KIAA0825: variants seen among roughly 807,000 people sequenced by gnomAD.
KIAA0825 encodes uncharacterized protein KIAA0825.
A neutral mutation model predicts 147.6 loss-of-function variants in KIAA0825; 119 were observed. The observed-to-expected ratio is 0.81, with a 90% CI of 0.69 to 0.94. The LOEUF (loss-of-function observed/expected upper bound fraction) is 0.94, where lower values mean the gene tolerates loss of function less well. Ranked by LOEUF, KIAA0825 falls within the 40% of genes least tolerant of loss-of-function variation. The probability of loss-of-function intolerance (pLI) is 0.00; values close to 1 mark genes in which losing one functional copy is unlikely to be tolerated. For synonymous variants in KIAA0825, 470 were observed against 518.1 expected (o/e 0.91, Z 1.26); for missense variants, 1,381 against 1,472.7 (o/e 0.94, Z 1.02).
At chr5:94,483,723 A>T (rs1762739133) in intron 6 of KIAA0825, among the ~76,000 whole-genome samples, 1 of 151,960 alleles carries the variant, frequency 6.6e-6, no homozygotes. Flanking sequence ...CACCTGAAAC[A>T]AAGAAGGCCA....
intron 20 of KIAA0825, among the ~76,000 whole-genome samples, chr5:94,266,265 T>A (rs1776733191): frequency 6.6e-6 from 1 of 152,192 alleles, no homozygotes; most frequent in Admixed American, 6.5e-5. Flanking sequence ...ATTTTTCAGA[T>A]GAGATCAGTG....
chr5:94,241,366 A>T (rs1454544150), intron 20 of KIAA0825, among the ~76,000 whole-genome samples: 1 of 152,232 alleles, frequency 6.6e-6, no homozygotes, highest in South Asian at 2.1e-4. Flanking sequence ...CATCATTAAC[A>T]TCTGAAGCCT....
At chr5:94,298,049 A>G (rs1445584244) in intron 20 of KIAA0825, among the ~76,000 whole-genome samples, 1 of 148,644 alleles carries the variant, frequency 6.7e-6, no homozygotes, top group Non-Finnish European at 1.5e-5. Flanking sequence ...GTTTGAGACC[A>G]GCCTGGCCAA....
At chr5:94,533,180 G>A (rs1015657908) in intron 3 of KIAA0825, among the ~76,000 whole-genome samples, 8 of 149,988 alleles carry the variant, frequency 5.3e-5, no homozygotes, top group Non-Finnish European at 5.9e-5. Context: ...GGGTTTCACC[G>A]TGTTAGCCAG....
intron 1 of KIAA0825, chr5:94,594,648 T>G (rs192379515): frequency 2.2e-5 from 14 of 628,494 alleles, no homozygotes; most frequent in Non-Finnish European, 4.1e-5. Context: ...AGGAAAATCT[T>G]CTATGAAAAA....
chr5:94,513,268 G>A (rs114103186), intron 5 of KIAA0825, among the ~76,000 whole-genome samples: 4,383 of 152,078 alleles, frequency 0.029, 212 homozygotes, highest in African/African-American at 0.1. Flanking sequence ...CTTTTAAAAA[G>A]TTTTTCAGTA....
chr5:94,529,358 A>G (rs547217949), intron 3 of KIAA0825, among the ~76,000 whole-genome samples: 1 of 146,136 alleles, frequency 6.8e-6, no homozygotes, highest in East Asian at 1.9e-4. Context: ...ATATATGTAT[A>G]TATCATATAT....
At chr5:94,411,317 A>T (rs1273943724) in intron 15 of KIAA0825, among the ~76,000 whole-genome samples, 1 of 152,180 alleles carries the variant, frequency 6.6e-6, no homozygotes, top group Admixed American at 6.5e-5. Context: ...AACAAATAGA[A>T]AGCAAGTAAC....
At chr5:94,268,006 T>C (rs1202306893) in intron 20 of KIAA0825, among the ~76,000 whole-genome samples, 1 of 152,120 alleles carries the variant, frequency 6.6e-6, no homozygotes, top group Non-Finnish European at 1.5e-5. Flanking sequence ...TAGTAGCCTG[T>C]CAATTTTTAT....
chr5:94,278,715 C>T (rs1039864317), intron 20 of KIAA0825, among the ~76,000 whole-genome samples: 2 of 152,126 alleles, frequency 1.3e-5, no homozygotes, highest in Non-Finnish European at 2.9e-5. Flanking sequence ...TGAATGATCA[C>T]TACTTCTTAA....
At chr5:94,523,893 T>C (rs1278029255) in intron 4 of KIAA0825, 37 bp downstream of exon 4, 1 of 1,362,830 alleles carries the variant, frequency 7.3e-7, no homozygotes. Flanking sequence ...CCCTGTTTAC[T>C]CATCCCACTC....
intron 10 of KIAA0825, 50 bp from the exon 11 acceptor site, chr5:94,465,109 T>A (rs1162432106): frequency 2.7e-6 from 4 of 1,497,568 alleles, no homozygotes; most frequent in Admixed American, 4.2e-5. Flanking sequence ...TTCTAAAATG[T>A]CGATTTGCTT....
At chr5:94,401,105 G>T (rs973855098) in intron 16 of KIAA0825, among the ~76,000 whole-genome samples, 3 of 151,964 alleles carry the variant, frequency 2.0e-5, no homozygotes, top group African/African-American at 7.3e-5. Flanking sequence ...TCATGTTTTG[G>T]ATACTTAGTG....
chr5:94,417,577 C>G (rs1390408273), intron 14 of KIAA0825, among the ~76,000 whole-genome samples: 1 of 152,052 alleles, frequency 6.6e-6, no homozygotes, highest in Non-Finnish European at 1.5e-5. Context: ...TGGAAAAAAA[C>G]AAACAAAAAC....
rs1028866735 is a variant in KIAA0825 at position 94,436,739 on chromosome 5, C to A, written c.2497+3243G>T. Among the ~76,000 whole-genome samples, 13 of 152,206 alleles carry A rather than the reference C, an allele frequency of 8.5e-5. No homozygotes were observed. In the South Asian group the frequency reaches 2.7e-3, roughly 32 times the overall value. On this transcript the variant is annotated intron_variant, in intron 14 of 20. Transcript: ENST00000682413. ...TGTGTCCATTTTCACAATATTGATT[C>A]TTCCTTTCCATGAGCATGAAATGTT...
chr5:94,535,980 C>G (rs1347401813), intron 3 of KIAA0825, among the ~76,000 whole-genome samples: 1 of 152,098 alleles, frequency 6.6e-6, no homozygotes, highest in African/African-American at 2.4e-5. Context: ...GGTGGGATTC[C>G]CTTCCATTTT....
intron 20 of KIAA0825, among the ~76,000 whole-genome samples, chr5:94,302,104 G>A (rs561969524): frequency 6.6e-6 from 1 of 152,204 alleles, no homozygotes; most frequent in East Asian, 1.9e-4. Flanking sequence ...TCATGCTTGA[G>A]TCATGCAGAT....
At chr5:94,199,906 C>G (rs1185367687) in intron 20 of KIAA0825, among the ~76,000 whole-genome samples, 1 of 152,172 alleles carries the variant, frequency 6.6e-6, no homozygotes, top group Non-Finnish European at 1.5e-5. Flanking sequence ...GAAGCTGAGG[C>G]TGTGCTGTAA....
At chr5:94,474,949 C>A (rs574425479) in intron 7 of KIAA0825, among the ~76,000 whole-genome samples, 1 of 151,998 alleles carries the variant, frequency 6.6e-6, no homozygotes, top group Non-Finnish European at 1.5e-5. Context: ...ATTAGCCGGG[C>A]GTGGTGGCAC....
Sources: gnomAD v4.1 joint callset for allele counts (sites outside exome capture counted in the v4.1 genomes callset) on GRCh38, gnomAD v4.1.1 for gene constraint, MANE v1.5 for transcripts, NCBI Gene and HGNC (gene_info 2026-07-23, HGNC 2026-07-21) for gene names.